Variants in ZNF92 observed in about 807,000 individuals in gnomAD.
The protein encoded by ZNF92 is zinc finger protein 92.
Under a neutral mutation model 12.4 loss-of-function variants are expected in ZNF92, and 11 were observed. The observed-to-expected ratio is 0.89, with a 90% CI of 0.56 to 1.47. The LOEUF (loss-of-function observed/expected upper bound fraction) is 1.47, where lower values mean the gene tolerates loss of function less well. Among genes scored for constraint, ZNF92 ranks in the 40% most tolerant of loss-of-function variants. The probability of loss-of-function intolerance (pLI) is 0.00; values close to 1 mark genes in which losing one functional copy is unlikely to be tolerated. For synonymous variants in ZNF92, 206 were observed against 228.6 expected (o/e 0.90, Z 0.89); for missense variants, 622 against 681.0 (o/e 0.91, Z 0.96).
intron 1 of ZNF92, 148 bp from the exon 2 acceptor site, chr7:65,387,754 A>C: frequency 1.1e-6 from 1 of 916,686 alleles, no homozygotes; most frequent in Non-Finnish European, 1.5e-6. Context: ...CTGTATTGAA[A>C]ATTATTTTAT....
At chr7:65,395,387 C>G (rs115299760) in intron 3 of ZNF92, among the ~76,000 whole-genome samples, 1,835 of 152,184 alleles carry the variant, frequency 0.012, 49 homozygotes, top group African/African-American at 0.04. Context: ...TGGTATGTGT[C>G]CTAACAGAAT....
intron 3 of ZNF92, among the ~76,000 whole-genome samples, chr7:65,390,902 T>C (rs1793693132): frequency 6.6e-6 from 1 of 152,156 alleles, no homozygotes; most frequent in African/African-American, 2.4e-5. Flanking sequence ...GGGCAGGACC[T>C]TTTCCAGACT....
At chr7:65,389,873 C>T (rs147989123) in intron 3 of ZNF92, among the ~76,000 whole-genome samples, 2,795 of 151,902 alleles carry the variant, frequency 0.018, 50 homozygotes, top group Non-Finnish European at 0.026. Context: ...ACTCTGCTGC[C>T]CAGGCTGGAG....
In ZNF92 at chr7:65,390,733, T is replaced by A. The variant is rs571568291; in HGVS notation, c.226+1832T>A. Among the ~76,000 whole-genome samples, 10 of 152,178 alleles carry A rather than the reference T, an allele frequency of 6.6e-5. No individual in the cohort carries two copies. In the South Asian group the frequency reaches 1.5e-3, roughly 22 times the overall value. On this transcript the variant is annotated intron_variant, in intron 3 of 3. Coordinates refer to ENST00000328747, the MANE Select transcript of ZNF92 (RefSeq NM_152626.4). ...ACCAGAGAGGATTTCCCCAGGCCAC[T>A]GTGTAGGTTTCTGTGTAGATATAAC...
chr7:65,389,757 C>T (rs1326853198), intron 3 of ZNF92, among the ~76,000 whole-genome samples: 4 of 150,924 alleles, frequency 2.7e-5, no homozygotes, highest in South Asian at 2.1e-4. Context: ...CCTTGTGATC[C>T]GCCCGCCTCG....
chr7:65,380,917 T>C (rs1584275991), intron 1 of ZNF92, among the ~76,000 whole-genome samples: 1 of 152,138 alleles, frequency 6.6e-6, no homozygotes, highest in South Asian at 2.1e-4. Context: ...TGGTATCTCA[T>C]TGTGGTGTTT....
intron 1 of ZNF92, among the ~76,000 whole-genome samples, chr7:65,378,116 CTG>C (rs1793298039): frequency 6.6e-6 from 1 of 151,648 alleles, no homozygotes; most frequent in Non-Finnish European, 1.5e-5. Context: ...CTTTGGGAGA[CTG>C]AGGTGGGCGG....
chr7:65,386,683 A>G (rs1441014393), intron 1 of ZNF92, among the ~76,000 whole-genome samples: 1 of 152,086 alleles, frequency 6.6e-6, no homozygotes, highest in East Asian at 1.9e-4. Flanking sequence ...ATTGCAGAAC[A>G]TGGGAGATAT....
intron 1 of ZNF92, among the ~76,000 whole-genome samples, chr7:65,376,672 C>T (rs970438220): frequency 6.6e-6 from 1 of 152,072 alleles, no homozygotes; most frequent in South Asian, 2.1e-4. Flanking sequence ...GTCTTGAACT[C>T]CTGACCTCGT....
chr7:65,393,201 C>A (rs1157819552), intron 3 of ZNF92, among the ~76,000 whole-genome samples: 2 of 152,106 alleles, frequency 1.3e-5, no homozygotes, highest in African/African-American at 2.4e-5. Flanking sequence ...TGACAAACAC[C>A]CTTCCACTTA....
chr7:65,398,620 G>A lies in ZNF92; in HGVS notation c.506G>A (p.Gly169Glu). The A allele has an allele frequency of 6.2e-7, 1 of 1,611,846 alleles. No individual in the cohort carries two copies. Among genetic ancestry groups the A allele is most frequent in the Non-Finnish European group, 8.5e-7 (1 of 1,179,340 alleles). Residue 169 changes from glycine (G) to glutamate (E), a missense_variant, in exon 4 of 4, where the codon GGA (glycine) becomes GAA (glutamate). Coordinates refer to ENST00000328747, the MANE Select transcript of ZNF92 (RefSeq NM_152626.4). ...AATAGAAATAAGATAAGACATACTG[G>A]AAAGAAACCTTTCAAATGTAAAAAC... is the stretch of plus-strand genomic sequence containing the variant. The part of the protein sequence containing the change: ...NVNRNKIRHT[G>E]KKPFKCKNRG...
chr7:65,391,986 A>G (rs2116386159), intron 3 of ZNF92, among the ~76,000 whole-genome samples: 1 of 152,140 alleles, frequency 6.6e-6, no homozygotes, highest in African/African-American at 2.4e-5. Context: ...TTACAGTTCC[A>G]TATTAGTGTT....
In ZNF92 at chr7:65,387,895, T is replaced by G. The variant is rs1196048582; in HGVS notation, c.4-7T>G. 3.1e-6 allele frequency: 5 copies of G among 1,595,558 alleles called. No individual in the cohort carries two copies. Among genetic ancestry groups the G allele is most frequent in the East Asian group, 4.5e-5 (2 of 44,104 alleles). ...TGTGTGTTTGTGTGTGTGTGTGTGT[T>G]TTTCAGGGACCACTGACATTTAGGG... On this transcript the variant is annotated splice_region_variant and splice_polypyrimidine_tract_variant and intron_variant, in intron 1 of 3. Coordinates refer to ENST00000328747, the MANE Select transcript of ZNF92 (RefSeq NM_152626.4).
rs1793652759 is a variant in ZNF92 at position 65,389,348 on chromosome 7, G to T, written c.226+447G>T. Among the ~76,000 whole-genome samples the T allele has an allele frequency of 1.3e-5, 2 of 151,924 alleles. 1 individual carries two copies. Among genetic ancestry groups the T allele is most frequent in the Admixed American group, 1.3e-4 (2 of 15,234 alleles). On this transcript the variant is annotated intron_variant, in intron 3 of 3. Coordinates refer to ENST00000328747, the MANE Select transcript of ZNF92 (RefSeq NM_152626.4). ...ACTTTTATTTTGCTCTCACATAGGGGCATCTTCTGTCTAATGCTTTTAAAT... is the reference window on the plus strand; with the variant it reads ...ACTTTTATTTTGCTCTCACATAGGGTCATCTTCTGTCTAATGCTTTTAAAT...
At chr7:65,384,825 G>C (rs4718232) in intron 1 of ZNF92, among the ~76,000 whole-genome samples, 1 of 151,844 alleles carries the variant, frequency 6.6e-6, no homozygotes, top group Non-Finnish European at 1.5e-5. Context: ...AGGGTGTTAC[G>C]AGGATTAAAT....
At chr7:65,389,803 C>CG (rs1282023735) in intron 3 of ZNF92, among the ~76,000 whole-genome samples, 4 of 151,842 alleles carry the variant, frequency 2.6e-5, no homozygotes, top group African/African-American at 9.7e-5. Flanking sequence ...GTGTGAGCTA[C>CG]TGTGCCTAGC....
intron 1 of ZNF92, among the ~76,000 whole-genome samples, chr7:65,380,552 G>A (rs112911101): frequency 3.9e-5 from 6 of 152,240 alleles, no homozygotes; most frequent in Admixed American, 1.3e-4. Context: ...GATTACAGGC[G>A]TGAACCACTA....
Position 65,399,384 on chromosome 7 carries a change from C to A in ZNF92, c.1270C>A (p.Pro424Thr). ...EHKIIHTGEK[P>T]YKCEKCGKAF... ...TAAGATAATTCATACTGGAGAGAAACCCTACAAATGTGAAAAATGTGGCAA... is the reference window on the plus strand; with the variant it reads ...TAAGATAATTCATACTGGAGAGAAAACCTACAAATGTGAAAAATGTGGCAA... The change falls in exon 4 of 4, where the codon CCC becomes ACC. Residue 424 changes from proline (P) to threonine (T), a missense_variant. Transcript: ENST00000328747. 6.2e-7 allele frequency: 1 copy of A among 1,613,124 alleles called. No individual in the cohort carries two copies. Among genetic ancestry groups the A allele is most frequent in the Non-Finnish European group, 8.5e-7 (1 of 1,179,668 alleles).
chr7:65,376,236 C>T (rs1793233233), intron 1 of ZNF92, among the ~76,000 whole-genome samples: 1 of 151,920 alleles, frequency 6.6e-6, no homozygotes, highest in Non-Finnish European at 1.5e-5. Context: ...CTGATCAGCA[C>T]TGCTACTTCC....
Sources: allele counts gnomAD v4.1 joint callset (sites outside exome capture counted in the v4.1 genomes callset), GRCh38; gene constraint gnomAD v4.1.1; transcripts MANE v1.5; gene names NCBI Gene and HGNC (gene_info 2026-07-23, HGNC 2026-07-21).